Variants in BCLAF3 observed in about 807,000 individuals in gnomAD.
The protein encoded by BCLAF3 is BCLAF1 and THRAP3 family member 3.
A neutral mutation model predicts 51.2 loss-of-function variants in BCLAF3; 24 were observed. That is an observed-to-expected ratio of 0.47 (90% CI 0.34 to 0.66). The LOEUF (loss-of-function observed/expected upper bound fraction) is 0.66. Among genes scored for constraint, BCLAF3 ranks in the 30% least tolerant of loss-of-function variants. BCLAF3 has a pLI of 0.01. For missense variants in BCLAF3, 465 were observed against 525.1 expected (o/e 0.89, Z 1.12); for synonymous variants, 152 against 176.6 (o/e 0.86, Z 1.10).
At chrX:19,988,650 A>C (rs2072873070) in intron 1 of BCLAF3, among the ~76,000 whole-genome samples, 1 of 112,246 alleles carries the variant, frequency 8.9e-6, no homozygotes, top group Admixed American at 9.5e-5. Context: ...AAATACCAAC[A>C]AGACAAAGTG....
intron 4 of BCLAF3, among the ~76,000 whole-genome samples, chrX:19,956,662 T>C (rs769268950): frequency 8.9e-6 from 1 of 111,764 alleles, no homozygotes; most frequent in Non-Finnish European, 1.9e-5. Flanking sequence ...AATCAGCTTG[T>C]ACCTATCTCA....
intron 4 of BCLAF3, among the ~76,000 whole-genome samples, chrX:19,960,733 C>G (rs564613818): frequency 5.4e-5 from 6 of 111,468 alleles, no homozygotes; most frequent in Middle Eastern, 4.7e-3. Context: ...TTGTTCCCTG[C>G]CTGCGTGATA....
intron 1 of BCLAF3, among the ~76,000 whole-genome samples, chrX:19,979,905 G>A (rs1034611727): frequency 9.1e-6 from 1 of 109,920 alleles, no homozygotes; most frequent in Non-Finnish European, 1.9e-5. Flanking sequence ...ATGACATTGA[G>A]GGAGAGGGAA....
At chrX:19,951,241 C>G (rs1263274290) in intron 7 of BCLAF3, among the ~76,000 whole-genome samples, 1 of 110,061 alleles carries the variant, frequency 9.1e-6, no homozygotes, top group Non-Finnish European at 1.9e-5. Context: ...GAATAATGTA[C>G]AATCATTTAA....
chrX:19,919,350 G>C (rs1188311753), intron 11 of BCLAF3, among the ~76,000 whole-genome samples: 1 of 110,083 alleles, frequency 9.1e-6, no homozygotes. Context: ...TTTGCAACCA[G>C]CCTGGCCAAC....
chrX:19,989,292 T>C (rs931901327), intron 1 of BCLAF3, among the ~76,000 whole-genome samples: 4 of 111,097 alleles, frequency 3.6e-5, no homozygotes, highest in African/African-American at 1.3e-4. Flanking sequence ...GGTCAGGAGT[T>C]TGAGACCAGC....
chrX:19,958,378 CT>C (rs1297642336), intron 4 of BCLAF3, among the ~76,000 whole-genome samples: 4 of 112,127 alleles, frequency 3.6e-5, no homozygotes, highest in African/African-American at 1.3e-4. Context: ...CTGGAAGCTT[CT>C]ATCAAAATCC....
intron 1 of BCLAF3, among the ~76,000 whole-genome samples, chrX:19,979,143 C>A (rs867666787): frequency 2.5e-4 from 28 of 110,345 alleles, no homozygotes; most frequent in African/African-American, 7.6e-4. Flanking sequence ...ACCTATAATC[C>A]CAGCTACTTG....
intron 11 of BCLAF3, among the ~76,000 whole-genome samples, chrX:19,927,701 C>T (rs759982928): frequency 9.2e-6 from 1 of 108,194 alleles, no homozygotes; most frequent in East Asian, 2.9e-4. Flanking sequence ...AGTTGGGGGT[C>T]TTGCTATGTT....
chrX:19,950,205 G>C (rs1046153548), intron 8 of BCLAF3, among the ~76,000 whole-genome samples: 11 of 111,693 alleles, frequency 9.8e-5, no homozygotes, highest in African/African-American at 3.6e-4. Flanking sequence ...TGAGAGAGAT[G>C]AGATTCAAAC....
At chrX:19,953,929 A>T (rs1438700014) in intron 5 of BCLAF3, 37 bp from the exon 6 acceptor site, 2 of 1,185,917 alleles carry the variant, frequency 1.7e-6, no homozygotes, top group Non-Finnish European at 2.3e-6. Flanking sequence ...CTCAATGTTA[A>T]GCTGATTTCA....
chrX:19,970,162 T>C lies in BCLAF3; in HGVS notation c.41+62A>G, dbSNP rs1194040825. ...CATGAGCTTAAGTGTTTACTAGTACTGGTGAAATTGAAAGTCACAGCACAT... is the reference window on the plus strand; with the variant it reads ...CATGAGCTTAAGTGTTTACTAGTACCGGTGAAATTGAAAGTCACAGCACAT... On this transcript the variant is annotated intron_variant, in intron 2 of 11. Transcript: ENST00000379682. 5.1e-6 allele frequency: 5 copies of C among 973,696 alleles called. No homozygotes were observed. In the African/African-American group the frequency reaches 5.7e-5, roughly 11 times the overall value. 80.2% of individuals were successfully genotyped at this position (973,696 alleles called of 1,213,427 possible).
intron 1 of BCLAF3, among the ~76,000 whole-genome samples, chrX:19,971,735 C>T (rs759013439): frequency 8.1e-5 from 9 of 111,741 alleles, no homozygotes; most frequent in Non-Finnish European, 1.5e-4. Context: ...AGAACGACTG[C>T]CATGGGCTCA....
intron 1 of BCLAF3, among the ~76,000 whole-genome samples, chrX:19,986,935 T>C (rs1293343247): frequency 9.1e-6 from 1 of 109,409 alleles, no homozygotes; most frequent in Admixed American, 9.8e-5. Context: ...TTTGAGTAGC[T>C]GGGACTATAG....
rs2069865954 is a variant in BCLAF3 at position 19,913,858 on chromosome X, A to G, written c.*3447T>C. 2 of 112,062 alleles carry G rather than the reference A, an allele frequency of 1.8e-5. No individual in the cohort carries two copies. The highest frequency in any genetic ancestry group is 7.3e-4 in the South Asian group (2 of 2,723). The allele number at this position is 112,062 out of a possible 1,213,427, so 9.2% of individuals were successfully genotyped here. A position where few individuals can be genotyped will look rare whatever the true frequency, so the allele number is the denominator to read the frequency against. ...TACCTCCTCCATGTCTGAATTTGTCAATGTACATTAATTTTTCTTTGTCAA... is the reference window on the plus strand; with the variant it reads ...TACCTCCTCCATGTCTGAATTTGTCGATGTACATTAATTTTTCTTTGTCAA... On this transcript the variant is annotated 3_prime_UTR_variant, in exon 12 of 12. Coordinates refer to ENST00000379682, the MANE Select transcript of BCLAF3 (RefSeq NM_001367774.2).
chrX:19,950,835 G>A lies in BCLAF3; in HGVS notation c.1663C>T (p.Arg555Ter). The change falls in exon 8 of 12, where the codon CGA (arginine) becomes TGA (stop). Residue 555 changes from arginine (R) to a stop codon, truncating the protein, a stop_gained. Coordinates refer to ENST00000379682, the MANE Select transcript of BCLAF3 (RefSeq NM_001367774.2). LOFTEE classifies it high-confidence loss of function. ...TTTCGCCTTCTTTCAATGTCATGTC[G>A]TAGGTCATTTGGATCTATTATTTTG... is the stretch of plus-strand genomic sequence containing the variant. ...LIKIIDPNDL[R>*]HDIERRRKER... is the part of the protein sequence containing the mutation. The A allele has an allele frequency of 1.7e-6, 2 of 1,208,426 alleles. No individual in the cohort carries two copies. Among genetic ancestry groups the A allele is most frequent in the Non-Finnish European group, 2.2e-6 (2 of 893,070 alleles).
intron 10 of BCLAF3, among the ~76,000 whole-genome samples, chrX:19,934,835 A>C (rs1418549673): frequency 1.8e-5 from 2 of 112,130 alleles, no homozygotes; most frequent in African/African-American, 6.5e-5. Context: ...TACAGGCAAG[A>C]AACTGTCAAA....
chrX:19,951,150 A>G (rs1191412865), intron 7 of BCLAF3, among the ~76,000 whole-genome samples: 1 of 111,253 alleles, frequency 9.0e-6, no homozygotes, highest in East Asian at 2.8e-4. Context: ...AACAAAAAAT[A>G]GAAGCAACTT....
At chrX:19,990,453 GA>G (rs1463187509) in intron 1 of BCLAF3, among the ~76,000 whole-genome samples, 5 of 114,000 alleles carry the variant, frequency 4.4e-5, no homozygotes, top group African/African-American at 1.6e-4. Flanking sequence ...GCCTCACCAG[GA>G]CAAAGCGGGG....
Sources: allele counts gnomAD v4.1 joint callset (sites outside exome capture counted in the v4.1 genomes callset), GRCh38; gene constraint gnomAD v4.1.1; transcripts MANE v1.5; gene names NCBI Gene and HGNC (gene_info 2026-07-23, HGNC 2026-07-21).